Variants in TNN observed in about 807,000 individuals in gnomAD.
The protein encoded by TNN is tenascin N.
TNN carries 122 observed loss-of-function variants against 134.4 expected under a neutral mutation model. The observed-to-expected ratio is 0.91, with a 90% CI of 0.78 to 1.06. The LOEUF (loss-of-function observed/expected upper bound fraction) is 1.06, where lower values mean the gene tolerates loss of function less well. Among genes scored for constraint, TNN ranks in the 50% least tolerant of loss-of-function variants. The probability of loss-of-function intolerance (pLI) is 0.00; values close to 1 mark genes in which losing one functional copy is unlikely to be tolerated. For synonymous variants in TNN, 710 were observed against 670.3 expected (o/e 1.06, Z -0.91); for missense variants, 1,739 against 1,699.4 (o/e 1.02, Z -0.41).
chr1:175,088,042 C>G (rs1431500678), intron 6 of TNN, among the ~76,000 whole-genome samples: 1 of 152,214 alleles, frequency 6.6e-6, no homozygotes, highest in Admixed American at 6.5e-5. Flanking sequence ...CCCAAACCTC[C>G]ACTTGTTCAG....
intron 1 of TNN, among the ~76,000 whole-genome samples, chr1:175,074,841 T>C (rs527953619): frequency 1.3e-5 from 2 of 152,364 alleles, no homozygotes; most frequent in Admixed American, 1.3e-4. Flanking sequence ...CGCTCATTTG[T>C]CATTTGTATC....
Position 175,120,779 on chromosome 1 carries a change from T to A in TNN, c.2650+1955T>A, listed in dbSNP as rs1300282825. 2.0e-5 allele frequency among the ~76,000 whole-genome samples: 3 copies of A among 152,226 alleles called. No individual in the cohort carries two copies. The East Asian group carries it at 5.8e-4, about 29-fold the overall frequency. On this transcript the variant is annotated intron_variant, in intron 11 of 18. Transcript: ENST00000239462. Reference sequence around the variant, plus strand: ...ACCAACACAGCAGCTGCTAGCTACATGTAGCTATTAAAATTATTTTTATTT... The same window carrying A: ...ACCAACACAGCAGCTGCTAGCTACAAGTAGCTATTAAAATTATTTTTATTT...
intron 12 of TNN, among the ~76,000 whole-genome samples, chr1:175,125,634 T>C (rs548692634): frequency 1.8e-4 from 27 of 148,252 alleles, no homozygotes; most frequent in African/African-American, 6.4e-4. Context: ...CCTTTCTCTC[T>C]TCTTTTCTCT....
chr1:175,134,909 C>A (rs1236588088), intron 15 of TNN, among the ~76,000 whole-genome samples: 1 of 152,182 alleles, frequency 6.6e-6, no homozygotes, highest in Non-Finnish European at 1.5e-5. Flanking sequence ...GATCTCATTT[C>A]CTGCTTAAAA....
chr1:175,103,201 C>G (rs964638383), intron 9 of TNN, among the ~76,000 whole-genome samples: 1 of 146,474 alleles, frequency 6.8e-6, no homozygotes, highest in Non-Finnish European at 1.5e-5. Context: ...AGGGGAGAAG[C>G]CATGTTGCCT....
intron 11 of TNN, 122 bp downstream of exon 11, chr1:175,118,946 A>C: frequency 7.6e-7 from 1 of 1,312,610 alleles, no homozygotes; most frequent in Non-Finnish European, 1.0e-6. Flanking sequence ...GTTTTAGGAG[A>C]GTTTGCTGTA....
In TNN at chr1:175,128,277, G is replaced by A. The variant is rs114092084; in HGVS notation, c.3178+113G>A. 2,529 of 1,053,384 alleles carry A rather than the reference G, an allele frequency of 2.4e-3. 43 individuals are homozygous for A. In the African/African-American group the frequency reaches 0.037, roughly 15 times the overall value. 65.3% of individuals were successfully genotyped at this position (1,053,384 alleles called of 1,614,324 possible). On this transcript the variant is annotated intron_variant, in intron 14 of 18. Transcript: ENST00000239462. ...GATGCAGAACTATTGATTTCTCTAGGCATGGGGAAGTGGAAATGGGGTTGT... is the reference window on the plus strand; with the variant it reads ...GATGCAGAACTATTGATTTCTCTAGACATGGGGAAGTGGAAATGGGGTTGT...
chr1:175,119,056 A>G (rs963452062), intron 11 of TNN, among the ~76,000 whole-genome samples: 1 of 152,278 alleles, frequency 6.6e-6, no homozygotes, highest in Non-Finnish European at 1.5e-5. Context: ...GTCCCGATCC[A>G]GACCCTTAGA....
At chr1:175,122,466 GGAC>G in intron 11 of TNN, among the ~76,000 whole-genome samples, 1 of 25,650 alleles carries the variant, frequency 3.9e-5, no homozygotes, top group Non-Finnish European at 9.4e-5. Flanking sequence ...TGCTAACAAA[GGAC>G]TGAAGAAGAG....
rs10798333 is a variant in TNN, at chr1:175,123,571, C to T, written c.2822C>T (p.Thr941Met). 0.4 allele frequency: 639,191 copies of T among 1,613,816 alleles called. 132,464 individuals carry two copies. The highest frequency in any genetic ancestry group is 0.43 in the Non-Finnish European group (507,175 of 1,179,908). Residue 941 changes from threonine to methionine, a missense_variant, in exon 12 of 19, where the codon ACG becomes ATG. By Grantham distance (81) the Thr-to-Met change is moderately conservative. Coordinates refer to ENST00000239462, the MANE Select transcript of TNN (RefSeq NM_022093.2). ...AAGGAGCACAGCAGCACTGTCCTGA[C>T]GGGCCTGAGACCAGGCATGGAGTAC... ...VGKEHSSTVL[T>M]GLRPGMEYMV...
At position 175,079,638 on chromosome 1, in the gene TNN, G is replaced by T; in HGVS notation, c.715G>T (p.Gly239Cys). Residue 239 changes from glycine (G) to cysteine (C), a missense_variant, in exon 3 of 19, where the codon GGC becomes TGC. Physicochemically the swap from Gly to Cys is radical, Grantham distance 159. Coordinates refer to ENST00000239462, the MANE Select transcript of TNN (RefSeq NM_022093.2). ...GAAGCGCTGTCCCGGCGACTGCAGC[G>T]GCCACGGCTTCTGTGACACGGGCGA... The part of the protein sequence containing the change: ...SEKRCPGDCS[G>C]HGFCDTGECY... 1.2e-6 allele frequency: 2 copies of T among 1,607,806 alleles called. No individual in the cohort carries two copies. Among genetic ancestry groups the T allele is most frequent in the Non-Finnish European group, 1.7e-6 (2 of 1,178,202 alleles).
At chr1:175,115,223 G>A (rs1180293868) in intron 9 of TNN, among the ~76,000 whole-genome samples, 1 of 152,112 alleles carries the variant, frequency 6.6e-6, no homozygotes, top group African/African-American at 2.4e-5. Flanking sequence ...TGGGCAATGT[G>A]CCACTCCAGC....
intron 15 of TNN, 46 bp from the exon 16 acceptor site, chr1:175,135,799 A>AT (rs1304466285): frequency 6.8e-7 from 1 of 1,467,594 alleles, no homozygotes; most frequent in African/African-American, 1.4e-5. Flanking sequence ...CCCAGCACCT[A>AT]TGTCTGTTTG....
intron 1 of TNN, among the ~76,000 whole-genome samples, chr1:175,068,159 C>T (rs1473523289): frequency 6.6e-6 from 1 of 152,202 alleles, no homozygotes; most frequent in South Asian, 2.1e-4. Context: ...TCAGACAGGG[C>T]TAAGCATAGT....
At position 175,080,341 on chromosome 1, in the gene TNN, G is replaced by A; in HGVS notation, c.963G>A (p.Leu321=). The change falls in exon 4 of 19, where the codon TTG becomes TTA. Residue 321 remains leucine, a synonymous_variant. Transcript: ENST00000239462. The part of the protein sequence containing the change: ...KEQHSYEILG[L]LPGTKYIVTL... The stretch of plus-strand genomic sequence containing the variant: ...AGCACAGCTATGAGATTCTTGGTTT[G>A]CTGCCTGGAACCAAGTACATAGTCA... 2.5e-6 allele frequency: 4 copies of A among 1,614,090 alleles called. No homozygotes were observed. The highest frequency in any genetic ancestry group is 2.5e-6 in the Non-Finnish European group (3 of 1,180,012).
At chr1:175,089,390 G>A (rs6659648) in intron 6 of TNN, among the ~76,000 whole-genome samples, 83,495 of 152,036 alleles carry the variant, frequency 0.55, 23,537 homozygotes, top group African/African-American at 0.69. Context: ...CTCAAAGTGC[G>A]CTGGAACACC....
At chr1:175,078,093 C>G (rs1269939126) in intron 2 of TNN, among the ~76,000 whole-genome samples, 1 of 152,182 alleles carries the variant, frequency 6.6e-6, no homozygotes, top group East Asian at 1.9e-4. Context: ...GATGGGAATG[C>G]TTCCAGGAGC....
At chr1:175,144,624 C>T in intron 18 of TNN, 74 bp downstream of exon 18, 1 of 1,478,106 alleles carries the variant, frequency 6.8e-7, no homozygotes, top group South Asian at 1.3e-5. Context: ...ACCCTCCAGG[C>T]CAGTCTGGCA....
chr1:175,112,245 ATAT>A (rs1042264806), intron 9 of TNN, among the ~76,000 whole-genome samples: 2 of 151,200 alleles, frequency 1.3e-5, no homozygotes, highest in Non-Finnish European at 2.9e-5. Flanking sequence ...TATTGAGATG[ATAT>A]TTTTTTTTAT....
Sources: gnomAD v4.1 joint callset for allele counts (sites outside exome capture counted in the v4.1 genomes callset) on GRCh38, gnomAD v4.1.1 for gene constraint, MANE v1.5 for transcripts, NCBI Gene and HGNC (gene_info 2026-07-23, HGNC 2026-07-21) for gene names.